Variants in RAP1GAP2 observed in about 807,000 individuals in gnomAD.
The protein encoded by RAP1GAP2 is RAP1 GTPase activating protein 2.
In RAP1GAP2, 27 loss-of-function variants were observed where a neutral mutation model predicts 95.0. That is an observed-to-expected ratio of 0.28 (90% CI 0.21 to 0.39). RAP1GAP2 has a LOEUF of 0.39. Ranked by LOEUF, RAP1GAP2 falls within the 10% of genes least tolerant of loss-of-function variation. The pLI is 1.00. For missense variants in RAP1GAP2, 771 were observed against 970.0 expected (o/e 0.79, Z 2.72); for synonymous variants, 373 against 380.9 (o/e 0.98, Z 0.24).
Position 2,991,332 on chromosome 17 carries a change from G to C in RAP1GAP2, c.849G>C (p.Glu283Asp). Residue 283 changes from glutamate to aspartate, a missense_variant, in exon 12 of 25, where the codon GAG becomes GAC. Transcript: ENST00000254695. ...LEEELFGNNE[E>D]SPAFKEFLDL... is the part of the protein sequence containing the mutation. The stretch of plus-strand genomic sequence containing the variant: ...AGGAGCTATTTGGGAACAATGAGGA[G>C]AGCCCAGCTTTTAAGGAGTTCTTGG... The C allele has an allele frequency of 6.2e-7, 1 of 1,606,756 alleles. No homozygotes were observed. The highest frequency in any genetic ancestry group is 1.1e-5 in the South Asian group (1 of 89,130).
At chr17:2,931,111 G>A (rs1335581737) in intron 3 of RAP1GAP2, among the ~76,000 whole-genome samples, 1 of 109,122 alleles carries the variant, frequency 9.2e-6, no homozygotes, top group African/African-American at 3.6e-5. Flanking sequence ...GACAGAGCGA[G>A]ACTCCATCTC....
intron 8 of RAP1GAP2, among the ~76,000 whole-genome samples, chr17:2,979,976 TG>T (rs1222836065): frequency 6.6e-6 from 1 of 151,786 alleles, no homozygotes; most frequent in Non-Finnish European, 1.5e-5. Flanking sequence ...GTCTCACTCT[TG>T]TTGCCCAGGC....
chr17:2,890,246 T>C (rs1024394212), intron 2 of RAP1GAP2, among the ~76,000 whole-genome samples: 2 of 152,112 alleles, frequency 1.3e-5, no homozygotes, highest in Admixed American at 1.3e-4. Context: ...CTTCATGCAT[T>C]TGTCTTTCTA....
chr17:2,963,172 G>T lies in RAP1GAP2; in HGVS notation c.247-258G>T. 1 of 569,110 alleles carries T rather than the reference G, an allele frequency of 1.8e-6. No individual in the cohort carries two copies. The highest frequency in any genetic ancestry group is 3.1e-6 in the Non-Finnish European group (1 of 320,326). 35.3% of individuals were successfully genotyped at this position (569,110 alleles called of 1,614,324 possible). A position where few individuals can be genotyped will look rare whatever the true frequency, so the allele number is the denominator to read the frequency against. On this transcript the variant is annotated intron_variant, in intron 5 of 24. Transcript: ENST00000254695. The surrounding 1 kb of genome is among the most constrained non-coding windows in gnomAD (Gnocchi z 4.8). ...ATGAGCGTTCTAGGATGAGAAGCTG[G>T]TATCACGAGGGGTGAGAAGTTCAGC...
chr17:2,831,929 G>A (rs902327099), intron 2 of RAP1GAP2, among the ~76,000 whole-genome samples: 5 of 151,276 alleles, frequency 3.3e-5, no homozygotes. Context: ...AAACAGGCTG[G>A]GCGTGGTGGC....
intron 2 of RAP1GAP2, among the ~76,000 whole-genome samples, chr17:2,849,567 T>C (rs966921644): frequency 6.6e-6 from 1 of 152,224 alleles, no homozygotes. Context: ...GCTCTGTTCA[T>C]GATTAACTTC....
At chr17:2,970,273 C>CAAAAAAAAAA (rs869121536) in intron 8 of RAP1GAP2, among the ~76,000 whole-genome samples, 7 of 109,606 alleles carry the variant, frequency 6.4e-5, no homozygotes, top group East Asian at 3.2e-4. Flanking sequence ...GACTCTGTCT[C>CAAAAAAAAAA]AAAAAAAAAA....
intron 22 of RAP1GAP2, among the ~76,000 whole-genome samples, chr17:3,030,349 C>A (rs942590827): frequency 2.0e-5 from 3 of 152,162 alleles, no homozygotes; most frequent in African/African-American, 7.2e-5. Context: ...ACAATGTAAT[C>A]GCTGCAGACA....
chr17:2,797,897 A>G lies in RAP1GAP2; in HGVS notation c.44+1326A>G, dbSNP rs753557056. On this transcript the variant is annotated intron_variant, in intron 1 of 24. Coordinates refer to ENST00000254695, the MANE Select transcript of RAP1GAP2 (RefSeq NM_015085.5). The surrounding 1 kb of genome is among the most constrained non-coding windows in gnomAD (Gnocchi z 5.6). ...GCCCAGCAATTAGATTGTGCCCTCC[A>G]AGGCCCGCCTTTCTCTGGGAGGTGT... The G allele has an allele frequency of 6.5e-4, 385 of 595,318 alleles. No homozygotes were observed. Among genetic ancestry groups the G allele is most frequent in the Non-Finnish European group, 7.7e-4 (365 of 473,982 alleles). The allele number at this position is 595,318 out of a possible 1,614,324, so 36.9% of individuals were successfully genotyped here. A position where few individuals can be genotyped will look rare whatever the true frequency, so the allele number is the denominator to read the frequency against.
chr17:2,839,118 C>G (rs1006663125), intron 2 of RAP1GAP2, among the ~76,000 whole-genome samples: 1 of 151,974 alleles, frequency 6.6e-6, no homozygotes, highest in Non-Finnish European at 1.5e-5. Flanking sequence ...GCCTGGCCAA[C>G]ATGGTGAAAC....
chr17:3,015,041 G>A (rs541168360), intron 17 of RAP1GAP2, among the ~76,000 whole-genome samples: 2 of 152,242 alleles, frequency 1.3e-5, no homozygotes, highest in East Asian at 1.9e-4. Context: ...GAAGCTCGCC[G>A]CTCCTCCAGG....
Position 2,988,835 on chromosome 17 carries a change from G to A in RAP1GAP2, c.814-2462G>A, listed in dbSNP as rs564110382. Among the ~76,000 whole-genome samples the A allele has an allele frequency of 5.3e-5, 8 of 152,324 alleles. No individual in the cohort carries two copies. The East Asian group carries it at 1.3e-3, about 26-fold the overall frequency. Reference sequence around the variant, plus strand: ...CCAGCACTTTGGGAGGCCGAGGTGGGCGGATCACGAGGTCAGGAGATTGAG... The same window carrying A: ...CCAGCACTTTGGGAGGCCGAGGTGGACGGATCACGAGGTCAGGAGATTGAG... On this transcript the variant is annotated intron_variant, in intron 11 of 24. Coordinates refer to ENST00000254695, the MANE Select transcript of RAP1GAP2 (RefSeq NM_015085.5).
At chr17:2,974,305 C>G (rs983457989) in intron 8 of RAP1GAP2, among the ~76,000 whole-genome samples, 3 of 151,276 alleles carry the variant, frequency 2.0e-5, no homozygotes, top group African/African-American at 4.9e-5. Context: ...GCCGAGATAG[C>G]GCCACTGCAC....
chr17:3,008,598 G>T lies in RAP1GAP2; in HGVS notation c.1494+453G>T, dbSNP rs2046409217. ...CTTCCTAGCCAGCCGGCCGAGCATTGGAAGACCTGGCTGGGCAGGGGCCAT... is the reference window on the plus strand; with the variant it reads ...CTTCCTAGCCAGCCGGCCGAGCATTTGAAGACCTGGCTGGGCAGGGGCCAT... On this transcript the variant is annotated intron_variant, in intron 17 of 24. Coordinates refer to ENST00000254695, the MANE Select transcript of RAP1GAP2 (RefSeq NM_015085.5). This position sits in a 1 kb window ranked among gnomAD's most constrained non-coding sequence, Gnocchi z 4.2. 6.6e-6 allele frequency among the ~76,000 whole-genome samples: 1 copy of T among 152,200 alleles called. No individual in the cohort carries two copies. Among genetic ancestry groups the T allele is most frequent in the South Asian group, 2.1e-4 (1 of 4,832 alleles).
At position 2,909,624 on chromosome 17, in the gene RAP1GAP2, G is replaced by A. The variant is rs531394741; in HGVS notation, c.165+4256G>A. On this transcript the variant is annotated intron_variant, in intron 3 of 24. Coordinates refer to ENST00000254695, the MANE Select transcript of RAP1GAP2 (RefSeq NM_015085.5). Reference sequence around the variant, plus strand: ...CTCCCATGACAGGCTGTCGGGAGGGGCCTCAGGCAGGCCCGGAGCAGAGCA... The same window carrying A: ...CTCCCATGACAGGCTGTCGGGAGGGACCTCAGGCAGGCCCGGAGCAGAGCA... Among the ~76,000 whole-genome samples the A allele has an allele frequency of 5.3e-5, 8 of 152,350 alleles. No individual in the cohort carries two copies. The East Asian group carries it at 1.3e-3, about 26-fold the overall frequency.
At chr17:3,006,438 C>CTT (rs796860030) in intron 16 of RAP1GAP2, among the ~76,000 whole-genome samples, 6 of 125,528 alleles carry the variant, frequency 4.8e-5, no homozygotes, top group African/African-American at 1.8e-4. Context: ...CCAATCAGTC[C>CTT]TTTTTTTTTT....
In RAP1GAP2 at chr17:2,985,161, G is replaced by A. The variant is rs757733763; in HGVS notation, c.813+95G>A. The A allele has an allele frequency of 6.4e-5, 99 of 1,552,726 alleles. No homozygotes were observed. The Admixed American group carries it at 1.5e-3, about 24-fold the overall frequency. On this transcript the variant is annotated intron_variant, in intron 11 of 24. Transcript: ENST00000254695. ...CCAGAACACAGGAGTCCTGACCTGC[G>A]TTCTGAAGCATTTGGAATACAACGG...
In RAP1GAP2 at chr17:3,005,229, G is replaced by A. The variant is rs959471916; in HGVS notation, c.1201-140G>A. 8.1e-6 allele frequency: 7 copies of A among 864,722 alleles called. No homozygotes were observed. The highest frequency in any genetic ancestry group is 1.4e-5 in the Non-Finnish European group (7 of 512,828). 53.6% of individuals were successfully genotyped at this position (864,722 alleles called of 1,614,324 possible). A position where few individuals can be genotyped will look rare whatever the true frequency, so the allele number is the denominator to read the frequency against. ...GAACAGGGTCAGGGCCTGTGCTGGCGATGCTCACAGGAGTATTTTGTTTGT... is the reference window on the plus strand; with the variant it reads ...GAACAGGGTCAGGGCCTGTGCTGGCAATGCTCACAGGAGTATTTTGTTTGT... On this transcript the variant is annotated intron_variant, in intron 14 of 24. Coordinates refer to ENST00000254695, the MANE Select transcript of RAP1GAP2 (RefSeq NM_015085.5). This position sits in a 1 kb window ranked among gnomAD's most constrained non-coding sequence, Gnocchi z 5.2.
At chr17:2,935,729 G>A (rs1432723134) in intron 3 of RAP1GAP2, among the ~76,000 whole-genome samples, 1 of 152,182 alleles carries the variant, frequency 6.6e-6, no homozygotes, top group Non-Finnish European at 1.5e-5. Flanking sequence ...CCGGAGGATG[G>A]GGATCATTAC....
Sources: gnomAD v4.1 joint callset for allele counts (sites outside exome capture counted in the v4.1 genomes callset) on GRCh38, gnomAD v4.1.1 for gene constraint, Gnocchi (gnomAD v3.1) non-coding constraint, MANE v1.5 for transcripts, NCBI Gene and HGNC (gene_info 2026-07-23, HGNC 2026-07-21) for gene names.